Variants in ATP6V1C2 observed in about 807,000 individuals in gnomAD.
ATP6V1C2 encodes V-type proton ATPase subunit C 2.
In ATP6V1C2, 45 loss-of-function variants were observed where a neutral mutation model predicts 56.8. The ratio of observed to expected loss-of-function variants is 0.79; its 90% CI spans 0.62 to 1.02. The LOEUF (loss-of-function observed/expected upper bound fraction) is 1.02, where lower values mean the gene tolerates loss of function less well. Among genes scored for constraint, ATP6V1C2 ranks in the 50% least tolerant of loss-of-function variants. ATP6V1C2 has a pLI of 0.00. For synonymous variants in ATP6V1C2, 220 were observed against 201.3 expected (o/e 1.09, Z -0.79); for missense variants, 463 against 519.7 (o/e 0.89, Z 1.06).
chr2:10,722,493 C>G (rs956551159), intron 1 of ATP6V1C2, among the ~76,000 whole-genome samples: 29 of 152,142 alleles, frequency 1.9e-4, no homozygotes, highest in African/African-American at 6.8e-4. Flanking sequence ...AATATTCCCC[C>G]AGAAGGTGTC....
chr2:10,777,553 G>C (rs759411003), intron 10 of ATP6V1C2, 32 bp from the exon 11 acceptor site: 1 of 1,599,586 alleles, frequency 6.3e-7, no homozygotes, highest in South Asian at 1.1e-5. Context: ...CATGTTTGCT[G>C]AAAGATTAAT....
chr2:10,727,983 A>G (rs1364409408), intron 3 of ATP6V1C2, among the ~76,000 whole-genome samples: 2 of 152,114 alleles, frequency 1.3e-5, no homozygotes, highest in African/African-American at 4.8e-5. Flanking sequence ...TTTTAAGGCA[A>G]TTTTCCTATA....
chr2:10,776,461 A>G (rs1664994743), intron 10 of ATP6V1C2, among the ~76,000 whole-genome samples: 1 of 152,134 alleles, frequency 6.6e-6, no homozygotes, highest in Non-Finnish European at 1.5e-5. Flanking sequence ...TCCAGTCTTC[A>G]GAGCAGGGCC....
intron 6 of ATP6V1C2, among the ~76,000 whole-genome samples, chr2:10,771,539 G>A (rs531576171): frequency 1.3e-5 from 2 of 152,264 alleles, no homozygotes; most frequent in South Asian, 4.1e-4. Context: ...GGCAGCGCAG[G>A]TCACTGAGGT....
At position 10,780,887 on chromosome 2, in the gene ATP6V1C2, G is replaced by C. The variant is rs545963003; in HGVS notation, c.1062-1356G>C. ...GCCTCCCCTAGTAGCTGGGATTACA[G>C]GCGTGCACCACCACGCCCAGCTAAT... On this transcript the variant is annotated intron_variant, in intron 12 of 13. Transcript: ENST00000272238. This position sits in a 1 kb window ranked among gnomAD's most constrained non-coding sequence, Gnocchi z 4.1. Among the ~76,000 whole-genome samples the C allele has an allele frequency of 1.3e-3, 199 of 152,212 alleles. No homozygotes were observed. The highest frequency in any genetic ancestry group is 6.8e-3 in the Middle Eastern group (2 of 294).
intron 5 of ATP6V1C2, chr2:10,767,886 A>G (rs1337257375): frequency 6.6e-6 from 1 of 152,162 alleles, no homozygotes; most frequent in Admixed American, 6.5e-5. Flanking sequence ...CATCGCCCCC[A>G]TTCCCTTTAT....
At chr2:10,729,810 G>A (rs1359954124) in intron 3 of ATP6V1C2, among the ~76,000 whole-genome samples, 7 of 152,174 alleles carry the variant, frequency 4.6e-5, no homozygotes, top group Admixed American at 2.6e-4. Context: ...AGCTGTGATC[G>A]TGCCACTGCC....
intron 10 of ATP6V1C2, among the ~76,000 whole-genome samples, chr2:10,775,291 C>T (rs1005353510): frequency 3.9e-5 from 6 of 152,150 alleles, no homozygotes; most frequent in African/African-American, 4.8e-5. Context: ...GGGCGGGAGC[C>T]GGGGGCCCAC....
chr2:10,724,999 AG>A, intron 2 of ATP6V1C2, among the ~76,000 whole-genome samples: 2 of 152,134 alleles, frequency 1.3e-5, no homozygotes, highest in South Asian at 4.1e-4. Context: ...GCCAAATCTC[AG>A]AACCTAATTA....
chr2:10,773,959 A>G (rs960458196), intron 8 of ATP6V1C2, among the ~76,000 whole-genome samples: 4 of 152,228 alleles, frequency 2.6e-5, no homozygotes, highest in Non-Finnish European at 4.4e-5. Context: ...GCTCTGGAGC[A>G]GAGGAGCTGG....
Position 10,778,604 on chromosome 2 carries a change from C to G in ATP6V1C2, c.996C>G (p.Phe332Leu), listed in dbSNP as rs376797595. Residue 332 changes from phenylalanine to leucine, a missense_variant, in exon 12 of 14, where the codon TTC (phenylalanine) becomes TTG (leucine). Coordinates refer to ENST00000272238, the MANE Select transcript of ATP6V1C2 (RefSeq NM_001039362.2). ...GPLLRWLKVN[F>L]SEAFIAWIHI... Reference sequence around the variant, plus strand: ...TGCTGCGCTGGCTCAAGGTGAACTTCAGTGAAGCCTTCATTGCCTGGATCC... The same window carrying G: ...TGCTGCGCTGGCTCAAGGTGAACTTGAGTGAAGCCTTCATTGCCTGGATCC... The G allele has an allele frequency of 5.0e-6, 8 of 1,614,124 alleles. No individual in the cohort carries two copies. Among genetic ancestry groups the G allele is most frequent in the Non-Finnish European group, 6.8e-6 (8 of 1,180,042 alleles).
Position 10,784,428 on chromosome 2 carries a change from C to T in ATP6V1C2, c.*1165C>T. The T allele has an allele frequency of 1.2e-6, 1 of 856,236 alleles. No individual in the cohort carries two copies. Among genetic ancestry groups the T allele is most frequent in the Non-Finnish European group, 1.8e-6 (1 of 550,496 alleles). The allele number at this position is 856,236 out of a possible 1,614,324, so 53.0% of individuals were successfully genotyped here. Reference sequence around the variant, plus strand: ...GAGCGACTCTCTGGAGCTACTCCTGCTACAATCCAGGTTCTCCTCAGTCTG... The same window carrying T: ...GAGCGACTCTCTGGAGCTACTCCTGTTACAATCCAGGTTCTCCTCAGTCTG... On this transcript the variant is annotated 3_prime_UTR_variant, in exon 14 of 14. Transcript: ENST00000272238.
intron 11 of ATP6V1C2, 28 bp from the exon 12 acceptor site, chr2:10,778,544 G>A: frequency 6.2e-7 from 1 of 1,609,584 alleles, no homozygotes; most frequent in Non-Finnish European, 8.5e-7. Flanking sequence ...TGTTCAGCAG[G>A]GGTCACCTGG....
chr2:10,760,506 G>A (rs1318600975), intron 4 of ATP6V1C2, among the ~76,000 whole-genome samples: 1 of 152,216 alleles, frequency 6.6e-6, no homozygotes, highest in Non-Finnish European at 1.5e-5. Context: ...AGTTGGAGCT[G>A]GTGTTCAGGA....
intron 3 of ATP6V1C2, among the ~76,000 whole-genome samples, chr2:10,743,980 T>C: frequency 9.2e-5 from 1 of 10,926 alleles, no homozygotes. Flanking sequence ...AGATTCAGTC[T>C]CAAAAAAAAA....
chr2:10,773,106 A>G (rs1248429222), intron 8 of ATP6V1C2, among the ~76,000 whole-genome samples: 1 of 152,236 alleles, frequency 6.6e-6, no homozygotes, highest in African/African-American at 2.4e-5. Context: ...ATCACGGGAC[A>G]CTGCATGGCG....
intron 5 of ATP6V1C2, 67 bp downstream of exon 5, chr2:10,764,492 G>T: frequency 2.2e-6 from 3 of 1,374,266 alleles, no homozygotes; most frequent in Non-Finnish European, 3.1e-6. Context: ...CCTGGGTAGG[G>T]CCCCCCTGCC....
At chr2:10,771,602 A>G (rs1425966297) in intron 6 of ATP6V1C2, among the ~76,000 whole-genome samples, 1 of 152,148 alleles carries the variant, frequency 6.6e-6, no homozygotes, top group Non-Finnish European at 1.5e-5. Context: ...AGGCCCTGCC[A>G]GCCTCCCTGT....
rs1661358329 is a variant in ATP6V1C2, at chr2:10,721,642, T to C, written c.-116T>C. 6.6e-6 allele frequency: 1 copy of C among 151,272 alleles called. No homozygotes were observed. The highest frequency in any genetic ancestry group is 1.5e-5 in the Non-Finnish European group (1 of 67,742). The allele number at this position is 151,272 out of a possible 1,614,324, so 9.4% of individuals were successfully genotyped here. ...GGCGCGGGGCAGCGAAGCCGCTGCC[T>C]CCCGGGAGCCGGCAGAGCGCTCCGG... On this transcript the variant is annotated 5_prime_UTR_variant, in exon 1 of 14. Transcript: ENST00000272238.
Sources: allele counts gnomAD v4.1 joint callset (sites outside exome capture counted in the v4.1 genomes callset), GRCh38; gene constraint gnomAD v4.1.1; non-coding constraint Gnocchi (gnomAD v3.1); transcripts MANE v1.5; gene names NCBI Gene and HGNC (gene_info 2026-07-23, HGNC 2026-07-21).